The following TET1 variants were observed in gnomAD, a reference collection of about 807,000 sequenced individuals.
The protein encoded by TET1 is methylcytosine dioxygenase TET1.
TET1 carries 13 observed loss-of-function variants against 148.7 expected under a neutral mutation model. The ratio of observed to expected loss-of-function variants is 0.09; its 90% CI spans 0.06 to 0.14. TET1 has a LOEUF of 0.14. Among genes scored for constraint, TET1 ranks in the 10% least tolerant of loss-of-function variants. TET1 has a pLI of 1.00. For synonymous variants in TET1, 907 were observed against 937.2 expected, an observed-to-expected ratio of 0.97 and a Z score of 0.59; for missense variants, 2,182 against 2,553.8, an observed-to-expected ratio of 0.85 and a Z score of 3.14.
chr10:68,648,858 G>A lies in TET1; in HGVS notation c.4276+1853G>A, dbSNP rs150934452. On this transcript the variant is annotated intron_variant, in intron 4 of 11. Transcript: ENST00000373644. The stretch of plus-strand genomic sequence containing the variant: ...GAACTCCTGGGCTCAAGTGATCCTC[G>A]TGCCTCAGCTTCCTAAAGTGCTGGG... Among the ~76,000 whole-genome samples, 118 of 152,094 alleles carry A rather than the reference G, an allele frequency of 7.8e-4. 1 individual carries two copies. In the East Asian group the frequency reaches 0.02, roughly 26 times the overall value.
At chr10:68,659,857 C>T (rs892492050) in intron 6 of TET1, among the ~76,000 whole-genome samples, 19 of 152,178 alleles carry the variant, frequency 1.2e-4, no homozygotes, top group African/African-American at 4.3e-4. Context: ...ATTACCAAAA[C>T]TTCAGAACCC....
chr10:68,691,110 C>G lies in TET1; in HGVS notation c.5707C>G (p.Gln1903Glu). ...TGCTGCTGATGGCCCTGGCATTTCA[C>G]AGCTTGGCGAAGTGGCTCCTCTCCC... ...AAAADGPGISQLGEVAPLPTL... is the reference protein window; with the variant it reads ...AAAADGPGISELGEVAPLPTL... The change falls in exon 12 of 12, where the codon CAG (glutamine) becomes GAG (glutamate). Residue 1903 changes from glutamine (Q) to glutamate (E), a missense_variant. This residue lies in a region of TET1 where 380 missense variants were observed against 387.9 expected (regional missense o/e 0.98). Transcript: ENST00000373644. This position sits in a 1 kb window ranked among gnomAD's most constrained non-coding sequence, Gnocchi z 4.4. The G allele has an allele frequency of 6.2e-7, 1 of 1,614,218 alleles. No homozygotes were observed. The highest frequency in any genetic ancestry group is 8.5e-7 in the Non-Finnish European group (1 of 1,180,046).
At chr10:68,624,654 TTCTTTCTC>T (rs1490421514) in intron 3 of TET1, among the ~76,000 whole-genome samples, 54 of 58,430 alleles carry the variant, frequency 9.2e-4, no homozygotes, top group Middle Eastern at 8.9e-3. Flanking sequence ...CTTTCTTTCT[TTCTTTCTC>T]TCTCTCTCTC....
At chr10:68,660,756 GT>G (rs2055096685) in intron 6 of TET1, among the ~76,000 whole-genome samples, 2 of 151,672 alleles carry the variant, frequency 1.3e-5, no homozygotes, top group African/African-American at 4.8e-5. Context: ...TGCCTCCCAG[GT>G]TCTAGGGATT....
At chr10:68,643,148 C>T (rs2054784563) in intron 3 of TET1, among the ~76,000 whole-genome samples, 1 of 150,464 alleles carries the variant, frequency 6.6e-6, no homozygotes, top group Non-Finnish European at 1.5e-5. Flanking sequence ...GTGGTCCCAG[C>T]TACTCGGGAG....
At chr10:68,636,091 A>T (rs796641953) in intron 3 of TET1, among the ~76,000 whole-genome samples, 1 of 152,192 alleles carries the variant, frequency 6.6e-6, no homozygotes, top group South Asian at 2.1e-4. Flanking sequence ...AAGGAGGGAA[A>T]TTGGTAGAAT....
chr10:68,649,599 C>T lies in TET1; in HGVS notation c.4277-2247C>T, dbSNP rs566620622. On this transcript the variant is annotated intron_variant, in intron 4 of 11. Coordinates refer to ENST00000373644, the MANE Select transcript of TET1 (RefSeq NM_030625.3). The stretch of plus-strand genomic sequence containing the variant: ...CCAGCCTGGATGACACAGCGAGACT[C>T]TGTCTCAAAAAAAAAAAAAAAAAAG... 4.0e-4 allele frequency among the ~76,000 whole-genome samples: 55 copies of T among 136,828 alleles called. 1 individual carries two copies. Among genetic ancestry groups the T allele is most frequent in the African/African-American group, 1.6e-3 (53 of 34,072 alleles). The allele number at this position is 136,828 out of a possible 152,430, so 89.8% of individuals were successfully genotyped here. A position where few individuals can be genotyped will look rare whatever the true frequency, so the allele number is the denominator to read the frequency against.
intron 9 of TET1, among the ~76,000 whole-genome samples, chr10:68,682,093 CTTT>C (rs386371716): frequency 1.5e-5 from 1 of 67,052 alleles, no homozygotes; most frequent in Non-Finnish European, 2.5e-5. Context: ...TTGATCTACT[CTTT>C]TTTTTTTTTT....
intron 3 of TET1, among the ~76,000 whole-genome samples, chr10:68,642,791 T>G (rs10998360): frequency 0.21 from 31,743 of 151,886 alleles, 4,516 homozygotes; most frequent in African/African-American, 0.4. Context: ...TTTTAGTAGA[T>G]ACGGGGTTTT....
chr10:68,657,989 A>G (rs887962037), intron 6 of TET1, among the ~76,000 whole-genome samples: 1 of 152,296 alleles, frequency 6.6e-6, no homozygotes, highest in African/African-American at 2.4e-5. Flanking sequence ...AAAATTTTGA[A>G]CTAAGAAATC....
chr10:68,576,019 CA>C (rs534082686), intron 2 of TET1, among the ~76,000 whole-genome samples: 4,067 of 94,258 alleles, frequency 0.043, 165 homozygotes, highest in African/African-American at 0.14. Flanking sequence ...GACTCCATCT[CA>C]AAAAAAAAAA....
intron 3 of TET1, among the ~76,000 whole-genome samples, chr10:68,607,360 T>C (rs950063118): frequency 3.3e-5 from 5 of 152,156 alleles, no homozygotes; most frequent in African/African-American, 1.2e-4. Flanking sequence ...ATGAGTCAGA[T>C]GAAAAGAGCC....
intron 3 of TET1, among the ~76,000 whole-genome samples, chr10:68,633,210 G>A (rs1049143319): frequency 3.9e-5 from 6 of 151,986 alleles, no homozygotes; most frequent in African/African-American, 1.4e-4. Flanking sequence ...AAAAAACAAA[G>A]TGTTGTTGAA....
At chr10:68,611,445 CACCGCACTCCAGCCTGGGCA>C (rs2054208424) in intron 3 of TET1, among the ~76,000 whole-genome samples, 1 of 151,994 alleles carries the variant, frequency 6.6e-6, no homozygotes, top group Non-Finnish European at 1.5e-5. Flanking sequence ...CCTGTGAAGC[CACCGCACTCCAGCCTGGGCA>C]ACATAGCAAG....
At chr10:68,626,089 C>CAAAAAAAAAAAAAA (rs768111191) in intron 3 of TET1, among the ~76,000 whole-genome samples, 7 of 34,518 alleles carry the variant, frequency 2.0e-4, no homozygotes, top group South Asian at 1.0e-3. Flanking sequence ...GACCCTATCT[C>CAAAAAAAAAAAAAA]AAAAAAAAGA....
At chr10:68,602,048 C>T (rs2054062799) in intron 3 of TET1, among the ~76,000 whole-genome samples, 1 of 152,192 alleles carries the variant, frequency 6.6e-6, no homozygotes, top group Non-Finnish European at 1.5e-5. Flanking sequence ...AAACCTTGCC[C>T]TGCTTTCAAA....
rs148179845 is a variant in TET1, at chr10:68,625,740, A to G, written c.1969-18958A>G. Reference sequence around the variant, plus strand: ...TTTTTGGACCTCTGGAATTCATACTATTGAAGTAATGCAGTCCCAGATTTG... The same window carrying G: ...TTTTTGGACCTCTGGAATTCATACTGTTGAAGTAATGCAGTCCCAGATTTG... On this transcript the variant is annotated intron_variant, in intron 3 of 11. Coordinates refer to ENST00000373644, the MANE Select transcript of TET1 (RefSeq NM_030625.3). Among the ~76,000 whole-genome samples the G allele has an allele frequency of 6.4e-3, 980 of 152,266 alleles. 11 individuals are homozygous for G. Among genetic ancestry groups the G allele is most frequent in the African/African-American group, 0.022 (914 of 41,546 alleles).
At chr10:68,635,484 C>T (rs886512379) in intron 3 of TET1, among the ~76,000 whole-genome samples, 14 of 152,136 alleles carry the variant, frequency 9.2e-5, no homozygotes, top group Admixed American at 7.9e-4. Flanking sequence ...TTAATCCTCA[C>T]AATGAACTTC....
chr10:68,669,808 T>C (rs953610387), intron 7 of TET1, among the ~76,000 whole-genome samples: 4 of 151,816 alleles, frequency 2.6e-5, no homozygotes, highest in Admixed American at 1.3e-4. Flanking sequence ...CGCCACCACG[T>C]CCAGCTAATT....
Sources: gnomAD v4.1 joint callset for allele counts (sites outside exome capture counted in the v4.1 genomes callset) on GRCh38, gnomAD v4.1.1 for gene constraint, gnomAD v4.1.1 regional missense constraint, Gnocchi (gnomAD v3.1) non-coding constraint, MANE v1.5 for transcripts, NCBI Gene and HGNC (gene_info 2026-07-23, HGNC 2026-07-21) for gene names.